CLEC6A: variants seen among roughly 807,000 people sequenced by gnomAD.
The protein encoded by CLEC6A is C-type lectin domain family 6 member A.
CLEC6A carries 22 observed loss-of-function variants against 25.7 expected under a neutral mutation model. The observed-to-expected ratio is 0.85, with a 90% CI of 0.61 to 1.22. The LOEUF (loss-of-function observed/expected upper bound fraction) is 1.22, where lower values mean the gene tolerates loss of function less well. Ranked by LOEUF, CLEC6A falls within the 50% of genes most tolerant of loss-of-function variation. The pLI is 0.00. For synonymous variants in CLEC6A, 92 were observed against 76.7 expected (o/e 1.20, Z -1.04); for missense variants, 240 against 236.8 (o/e 1.01, Z -0.09).
At chr12:8,457,002 C>G (rs1939685002) in intron 1 of CLEC6A, among the ~76,000 whole-genome samples, 1 of 151,810 alleles carries the variant, frequency 6.6e-6, no homozygotes, top group Non-Finnish European at 1.5e-5. Context: ...CCTAGCCACT[C>G]AGGAGGCTGA....
At chr12:8,472,521 A>C (rs1939919404) in intron 4 of CLEC6A, among the ~76,000 whole-genome samples, 1 of 152,148 alleles carries the variant, frequency 6.6e-6, no homozygotes, top group Admixed American at 6.6e-5. Flanking sequence ...GTGCCCCAGT[A>C]TGAGGAAGGA....
At chr12:8,468,328 TA>T (rs1939863815) in intron 4 of CLEC6A, among the ~76,000 whole-genome samples, 1 of 152,380 alleles carries the variant, frequency 6.6e-6, no homozygotes, top group Admixed American at 6.5e-5. Flanking sequence ...CTATTTTTTC[TA>T]CATTGATTTT....
chr12:8,477,281 T>G, intron 5 of CLEC6A, 39 bp from the exon 6 acceptor site: 1 of 1,555,290 alleles, frequency 6.4e-7, no homozygotes, highest in Non-Finnish European at 8.7e-7. Flanking sequence ...TCACCATGCA[T>G]TCTTTGAAGA....
At chr12:8,470,790 G>T (rs1312597020) in intron 4 of CLEC6A, among the ~76,000 whole-genome samples, 1 of 152,024 alleles carries the variant, frequency 6.6e-6, no homozygotes, top group Non-Finnish European at 1.5e-5. Flanking sequence ...TACACATTGG[G>T]TACAGTGTAC....
At chr12:8,468,379 G>A (rs900584894) in intron 4 of CLEC6A, among the ~76,000 whole-genome samples, 1 of 152,138 alleles carries the variant, frequency 6.6e-6, no homozygotes, top group African/African-American at 2.4e-5. Flanking sequence ...AGTTCTAACA[G>A]ATTTTTTGTT....
intron 1 of CLEC6A, among the ~76,000 whole-genome samples, chr12:8,457,606 CA>C (rs751852583): frequency 5.3e-5 from 8 of 151,908 alleles, no homozygotes; most frequent in Non-Finnish European, 1.2e-4. Context: ...AAATGGGAGA[CA>C]AAAGTGATGT....
intron 4 of CLEC6A, among the ~76,000 whole-genome samples, chr12:8,470,549 C>T (rs1939892115): frequency 6.6e-6 from 1 of 151,648 alleles, no homozygotes; most frequent in Admixed American, 6.6e-5. Context: ...TGTCATTTGT[C>T]TATAATACTA....
intron 4 of CLEC6A, among the ~76,000 whole-genome samples, chr12:8,473,565 G>C (rs868346898): frequency 1.3e-5 from 2 of 152,088 alleles, no homozygotes; most frequent in African/African-American, 4.8e-5. Flanking sequence ...TTGGTGAAAT[G>C]GTTCATTTGC....
At chr12:8,461,602 T>C (rs1050941250) in intron 3 of CLEC6A, among the ~76,000 whole-genome samples, 1 of 152,248 alleles carries the variant, frequency 6.6e-6, no homozygotes, top group African/African-American at 2.4e-5. Flanking sequence ...AATACAATTA[T>C]TTTGTATAAT....
intron 4 of CLEC6A, among the ~76,000 whole-genome samples, chr12:8,472,667 C>G (rs1216849475): frequency 6.6e-6 from 1 of 152,134 alleles, no homozygotes; most frequent in East Asian, 1.9e-4. Context: ...TATATTAAGT[C>G]AGTGTCTTCA....
chr12:8,458,104 C>A, intron 2 of CLEC6A, 117 bp downstream of exon 2: 3 of 632,052 alleles, frequency 4.7e-6, no homozygotes, highest in Non-Finnish European at 8.2e-6. Flanking sequence ...ACTTGGAATG[C>A]CACACTTTCC....
At chr12:8,466,922 G>A (rs1447129862) in intron 4 of CLEC6A, among the ~76,000 whole-genome samples, 1 of 152,086 alleles carries the variant, frequency 6.6e-6, no homozygotes, top group Non-Finnish European at 1.5e-5. Flanking sequence ...AAAGTGCTGG[G>A]GTTACAGGCG....
chr12:8,459,397 C>T (rs1229404059), intron 2 of CLEC6A, among the ~76,000 whole-genome samples, 200 bp from the exon 3 acceptor site: 1 of 151,512 alleles, frequency 6.6e-6, no homozygotes, highest in Admixed American at 6.6e-5. Flanking sequence ...GGTGAAAAGA[C>T]CAAAAAATTA....
intron 1 of CLEC6A, among the ~76,000 whole-genome samples, chr12:8,456,611 T>A (rs2136355377): frequency 7.2e-6 from 1 of 138,768 alleles, no homozygotes; most frequent in South Asian, 2.4e-4. Context: ...ATCAATAATG[T>A]TTTAAAAAAA....
chr12:8,463,367 T>TG (rs1939789509), intron 3 of CLEC6A, among the ~76,000 whole-genome samples: 1 of 152,200 alleles, frequency 6.6e-6, no homozygotes, highest in Non-Finnish European at 1.5e-5. Context: ...AGTGGAACTT[T>TG]GAAAAAATGC....
chr12:8,476,226 T>C lies in CLEC6A; in HGVS notation c.471T>C (p.Tyr157=), dbSNP rs751737591. The part of the protein sequence containing the change: ...NNWQWIDKTP[Y]EKNVRFWHLG... ...GGCAATGGATTGATAAGACACCTTA[T>C]GAGAAAAATGTCAGGTGAGTGCAGT... The change falls in exon 5 of 6, where the codon TAT becomes TAC. Residue 157 remains tyrosine, a synonymous_variant. Transcript: ENST00000382073. 6.0e-5 allele frequency: 95 copies of C among 1,586,596 alleles called. No individual in the cohort carries two copies. Among genetic ancestry groups the C allele is most frequent in the Non-Finnish European group, 7.6e-5 (88 of 1,162,236 alleles).
rs368968301 is a variant in CLEC6A, at chr12:8,457,994, T to C, written c.121+7T>C. On this transcript the variant is annotated splice_region_variant and intron_variant, in intron 2 of 5. Transcript: ENST00000382073. ...TTCATTGTGAGCTGTGTAGGTAAGT[T>C]CTTCACTGAGGTGCATTTTCCTTGC... The C allele has an allele frequency of 1.7e-4, 265 of 1,598,374 alleles. 3 individuals carry two copies. In the South Asian group the frequency reaches 2.4e-3, roughly 14 times the overall value.
At chr12:8,470,254 G>C (rs552595095) in intron 4 of CLEC6A, among the ~76,000 whole-genome samples, 6 of 152,122 alleles carry the variant, frequency 3.9e-5, no homozygotes, top group Non-Finnish European at 8.8e-5. Context: ...ACTCCTGCAA[G>C]AATGGCCATA....
rs1591711179 is a variant in CLEC6A at position 8,477,557 on chromosome 12, C to A, written c.*93C>A. On this transcript the variant is annotated 3_prime_UTR_variant, in exon 6 of 6. Transcript: ENST00000382073. ...GAACCCTATCATGAAATGATAATTT[C>A]TTCCTGAATTTACACATAATCCTTA... is the stretch of plus-strand genomic sequence containing the variant. The A allele has an allele frequency of 3.1e-6, 3 of 980,798 alleles. No homozygotes were observed. The highest frequency in any genetic ancestry group is 1.5e-6 in the Non-Finnish European group (1 of 675,630). 60.8% of individuals were successfully genotyped at this position (980,798 alleles called of 1,614,324 possible). A position where few individuals can be genotyped will look rare whatever the true frequency, so the allele number is the denominator to read the frequency against.
Sources: allele counts gnomAD v4.1 joint callset (sites outside exome capture counted in the v4.1 genomes callset), GRCh38; gene constraint gnomAD v4.1.1; transcripts MANE v1.5; gene names NCBI Gene and HGNC (gene_info 2026-07-23, HGNC 2026-07-21).